CAPZA2: variants seen among roughly 807,000 people sequenced by gnomAD.
CAPZA2 encodes capping actin protein of muscle Z-line subunit alpha 2.
Under a neutral mutation model 44.0 loss-of-function variants are expected in CAPZA2, and 13 were observed. The ratio of observed to expected loss-of-function variants is 0.30; its 90% confidence interval spans 0.19 to 0.47. CAPZA2 has a LOEUF of 0.47. Among genes scored for constraint, CAPZA2 ranks in the 20% least tolerant of loss-of-function variants. CAPZA2 has a pLI of 1.00. For synonymous variants in CAPZA2, 94 were observed against 108.2 expected (o/e 0.87, Z 0.81); for missense variants, 244 against 338.6 (o/e 0.72, Z 2.19).
At chr7:116,882,584 AT>A (rs1339897720) in intron 1 of CAPZA2, among the ~76,000 whole-genome samples, 3 of 151,846 alleles carry the variant, frequency 2.0e-5, no homozygotes, top group Non-Finnish European at 4.4e-5. Context: ...GGCAGAAATT[AT>A]TTTTTTTCTC....
intron 1 of CAPZA2, among the ~76,000 whole-genome samples, chr7:116,884,326 A>G (rs186645282): frequency 2.3e-4 from 35 of 152,174 alleles, no homozygotes; most frequent in African/African-American, 7.7e-4. Flanking sequence ...TCACTACCAA[A>G]ATCTAGATAC....
intron 1 of CAPZA2, among the ~76,000 whole-genome samples, chr7:116,866,354 G>A (rs1004662293): frequency 6.6e-6 from 1 of 151,876 alleles, no homozygotes; most frequent in Non-Finnish European, 1.5e-5. Flanking sequence ...TGTATTTTTA[G>A]TAGAGACGGG....
chr7:116,875,209 C>G (rs1471860284), intron 1 of CAPZA2: 1 of 151,528 alleles, frequency 6.6e-6, no homozygotes, highest in Non-Finnish European at 1.5e-5. Flanking sequence ...TCTTCAGAGT[C>G]TTGTAGGGAT....
intron 2 of CAPZA2, among the ~76,000 whole-genome samples, chr7:116,889,300 A>G (rs1050702311): frequency 6.6e-6 from 1 of 152,222 alleles, no homozygotes; most frequent in Non-Finnish European, 1.5e-5. Flanking sequence ...CTTCATATAC[A>G]TTTGAACTTC....
chr7:116,865,283 T>A (rs147042219), intron 1 of CAPZA2, among the ~76,000 whole-genome samples: 3 of 145,398 alleles, frequency 2.1e-5, no homozygotes, highest in Non-Finnish European at 4.5e-5. Context: ...CCTCCGGGGC[T>A]GAAGCGATTC....
chr7:116,904,896 C>T (rs527569804), intron 5 of CAPZA2: 1 of 149,424 alleles, frequency 6.7e-6, no homozygotes. Flanking sequence ...TTTGGGAGGC[C>T]GAGGCAGGTG....
At position 116,890,509 on chromosome 7, in the gene CAPZA2, T is replaced by TAA. The variant is rs1159101707; in HGVS notation, c.103+2335_103+2336dup. 1.9e-3 allele frequency among the ~76,000 whole-genome samples: 56 copies of TAA among 29,226 alleles called. 2 individuals are homozygous for TAA. The highest frequency in any genetic ancestry group is 5.7e-3 in the African/African-American group (27 of 4,736). 19.2% of individuals were successfully genotyped at this position (29,226 alleles called of 152,430 possible). ...AACATGGTGAAACCCTGTCTCTACT[T>TAA]AAAAAAAAAAAAAAAAATATATATA... On this transcript the variant is annotated intron_variant, in intron 2 of 9. Coordinates refer to ENST00000361183, the MANE Select transcript of CAPZA2 (RefSeq NM_006136.3).
At chr7:116,891,702 G>A (rs1380056376) in intron 2 of CAPZA2, among the ~76,000 whole-genome samples, 6 of 151,984 alleles carry the variant, frequency 3.9e-5, no homozygotes, top group African/African-American at 1.2e-4. Context: ...TAGTAGAGAC[G>A]GGGTTTCACC....
chr7:116,904,581 G>C, intron 5 of CAPZA2, 198 bp downstream of exon 5: 1 of 519,588 alleles, frequency 1.9e-6, no homozygotes, highest in Non-Finnish European at 3.4e-6. Flanking sequence ...TTAAAATAGA[G>C]AAATGGTTGT....
chr7:116,910,432 G>A (rs1791575746), intron 7 of CAPZA2, 121 bp downstream of exon 7: 1 of 613,634 alleles, frequency 1.6e-6, no homozygotes, highest in Non-Finnish European at 2.9e-6. Context: ...TTGTTTTGGG[G>A]TAATGGGAAA....
At chr7:116,905,553 G>A (rs979197211) in intron 5 of CAPZA2, among the ~76,000 whole-genome samples, 54 of 152,114 alleles carry the variant, frequency 3.5e-4, no homozygotes, top group African/African-American at 1.3e-3. Flanking sequence ...AATTCATATG[G>A]TCTGCTTAAG....
chr7:116,870,503 T>G (rs1796538929), intron 1 of CAPZA2, among the ~76,000 whole-genome samples: 1 of 152,218 alleles, frequency 6.6e-6, no homozygotes, highest in South Asian at 2.1e-4. Context: ...ATCTCATCAA[T>G]GTTGACAGTT....
chr7:116,883,906 T>G (rs961255461), intron 1 of CAPZA2, among the ~76,000 whole-genome samples: 1 of 152,206 alleles, frequency 6.6e-6, no homozygotes, highest in African/African-American at 2.4e-5. Context: ...ATAGGTAGTG[T>G]TTGTATAAGT....
chr7:116,901,881 A>ATATGTGTGTGTGTGTGTG lies in CAPZA2; in HGVS notation c.220-2295_220-2294insATGTGTGTGTGTGTGTGT, dbSNP rs375500363. 1.4e-3 allele frequency among the ~76,000 whole-genome samples: 197 copies of ATATGTGTGTGTGTGTGTG among 140,892 alleles called. 1 individual carries two copies. The highest frequency in any genetic ancestry group is 4.8e-3 in the African/African-American group (183 of 38,332). 92.4% of individuals were successfully genotyped at this position (140,892 alleles called of 152,430 possible). On this transcript the variant is annotated intron_variant, in intron 4 of 9. Coordinates refer to ENST00000361183, the MANE Select transcript of CAPZA2 (RefSeq NM_006136.3). ...AAAACATGCTTGAAATAACGAAGAAATGTGTGTGTGTGTGTGTGTGTGTGT... is the reference window on the plus strand; with the variant it reads ...AAAACATGCTTGAAATAACGAAGAAATATGTGTGTGTGTGTGTGTGTGTGTGTGTGTGTGTGTGTGTGT...
chr7:116,906,422 C>T, intron 6 of CAPZA2, 80 bp downstream of exon 6: 6 of 1,536,858 alleles, frequency 3.9e-6, no homozygotes, highest in South Asian at 2.5e-5. Context: ...ATTTGGGCTA[C>T]ACCTTGTTTG....
chr7:116,869,484 A>G (rs1034876310), intron 1 of CAPZA2, among the ~76,000 whole-genome samples: 1 of 152,202 alleles, frequency 6.6e-6, no homozygotes, highest in African/African-American at 2.4e-5. Context: ...CATTTCACTG[A>G]TTTCAGTACT....
chr7:116,870,241 G>T (rs1310593107), intron 1 of CAPZA2, among the ~76,000 whole-genome samples: 1 of 152,122 alleles, frequency 6.6e-6, no homozygotes, highest in African/African-American at 2.4e-5. Flanking sequence ...ATACTAAATT[G>T]GGTCTAAAAA....
intron 6 of CAPZA2, 48 bp downstream of exon 6, chr7:116,906,390 CTT>C: frequency 1.3e-6 from 2 of 1,590,004 alleles, no homozygotes; most frequent in Non-Finnish European, 1.7e-6. Flanking sequence ...TGTTTTAAGT[CTT>C]TGTAGTTCTT....
At chr7:116,893,991 T>C (rs1796886253) in intron 3 of CAPZA2, among the ~76,000 whole-genome samples, 2 of 151,960 alleles carry the variant, frequency 1.3e-5, no homozygotes, top group South Asian at 4.1e-4. Flanking sequence ...GATGAAGTAG[T>C]GCATTCTTTC....
Sources: gnomAD v4.1 joint callset for allele counts (sites outside exome capture counted in the v4.1 genomes callset) on GRCh38, gnomAD v4.1.1 for gene constraint, MANE v1.5 for transcripts, NCBI Gene and HGNC (gene_info 2026-07-23, HGNC 2026-07-21) for gene names.